The following NPAP1 variants were observed in gnomAD, a reference collection of about 807,000 sequenced individuals.
The protein encoded by NPAP1 is nuclear pore-associated protein 1.
For missense variants in NPAP1, 1,483 were observed against 1,454.5 expected, an observed-to-expected ratio of 1.02 and a Z score of -0.32; for synonymous variants, 616 against 581.4, an observed-to-expected ratio of 1.06 and a Z score of -0.86.
chr15:24,678,554 T>C lies in NPAP1; in HGVS notation c.2687T>C (p.Ile896Thr), dbSNP rs2141312880. The change falls in exon 1 of 1, where the codon ATC (isoleucine) becomes ACC (threonine). Residue 896 changes from isoleucine to threonine, a missense_variant. Ile to Thr is a moderately conservative substitution (Grantham distance 89, BLOSUM62 -1). Transcript: ENST00000329468. Reference sequence around the variant, plus strand: ...AGCCATCCTTTAAATACAGGATCCATCTCTCATTCCACACTTGGGGCCACT... The same window carrying C: ...AGCCATCCTTTAAATACAGGATCCACCTCTCATTCCACACTTGGGGCCACT... ...TSSHPLNTGS[I>T]SHSTLGATDG... 2 of 1,614,104 alleles carry C rather than the reference T, an allele frequency of 1.2e-6. No individual in the cohort carries two copies. Among genetic ancestry groups the C allele is most frequent in the Non-Finnish European group, 1.7e-6 (2 of 1,180,018 alleles).
chr15:24,679,433 A>T lies in NPAP1; in HGVS notation c.*95A>T. 2 of 965,170 alleles carry T rather than the reference A, an allele frequency of 2.1e-6. No individual in the cohort carries two copies. Among genetic ancestry groups the T allele is most frequent in the South Asian group, 3.1e-5 (2 of 63,636 alleles). The allele number at this position is 965,170 out of a possible 1,614,324, so 59.8% of individuals were successfully genotyped here. A position where few individuals can be genotyped will look rare whatever the true frequency, so the allele number is the denominator to read the frequency against. On this transcript the variant is annotated 3_prime_UTR_variant, in exon 1 of 1. Coordinates refer to ENST00000329468, the MANE Select transcript of NPAP1 (RefSeq NM_018958.3). ...TGGTCATGCTTCTAGTTTCATCTTC[A>T]TGCCAAGCACCTGCCATGTACCTCT...
rs759292609 is a variant in NPAP1, at chr15:24,677,460, T to C, written c.1593T>C (p.Thr531=). The change falls in exon 1 of 1, where the codon ACT becomes ACC. Residue 531 remains threonine, a synonymous_variant. Coordinates refer to ENST00000329468, the MANE Select transcript of NPAP1 (RefSeq NM_018958.3). ...CCCCTCCTCCTCTTTCCTTCCTGAC[T>C]CTTCTTCCAGTCCCTTCCACCGGGA... is the stretch of plus-strand genomic sequence containing the variant. The part of the protein sequence containing the change: ...VDSPPPLSFL[T]LLPVPSTGTS... The C allele has an allele frequency of 1.5e-5, 24 of 1,614,014 alleles. No individual in the cohort carries two copies. The highest frequency in any genetic ancestry group is 1.9e-5 in the Non-Finnish European group (22 of 1,180,028).
chr15:24,677,389 A>C lies in NPAP1; in HGVS notation c.1522A>C (p.Lys508Gln). 6.2e-7 allele frequency: 1 copy of C among 1,613,864 alleles called. No individual in the cohort carries two copies. The highest frequency in any genetic ancestry group is 8.5e-7 in the Non-Finnish European group (1 of 1,179,954). Reference sequence around the variant, plus strand: ...ACCTCCTAGCTCCACACCCTCCTTCAAGCCTCCCGTCACAAGGGAGTCCCC... The same window carrying C: ...ACCTCCTAGCTCCACACCCTCCTTCCAGCCTCCCGTCACAAGGGAGTCCCC... Reference protein sequence around the residue: ...PTPPSSTPSFKPPVTRESPIS... With the variant: ...PTPPSSTPSFQPPVTRESPIS... The change falls in exon 1 of 1, where the codon AAG becomes CAG. Residue 508 changes from lysine (K) to glutamine (Q), a missense_variant. Physicochemically the swap from Lys to Gln is moderately conservative, Grantham distance 53 (BLOSUM62 1). Transcript: ENST00000329468.
chr15:24,678,551 C>T lies in NPAP1; in HGVS notation c.2684C>T (p.Ser895Phe), dbSNP rs1433420706. The T allele has an allele frequency of 1.9e-6, 3 of 1,614,172 alleles. No individual in the cohort carries two copies. The highest frequency in any genetic ancestry group is 2.5e-6 in the Non-Finnish European group (3 of 1,180,036). The change falls in exon 1 of 1, where the codon TCC (serine) becomes TTC (phenylalanine). Residue 895 changes from serine to phenylalanine, a missense_variant. Physicochemically the swap from Ser to Phe is radical, Grantham distance 155. Transcript: ENST00000329468. The part of the protein sequence containing the change: ...TTSSHPLNTG[S>F]ISHSTLGATD... The stretch of plus-strand genomic sequence containing the variant: ...TCCAGCCATCCTTTAAATACAGGAT[C>T]CATCTCTCATTCCACACTTGGGGCC...
At position 24,677,668 on chromosome 15, in the gene NPAP1, C is replaced by T. The variant is rs1595615915; in HGVS notation, c.1801C>T (p.Pro601Ser). The part of the protein sequence containing the change: ...SSLSSRVSSL[P>S]NSQIHCSAEQ... ...CCTAAGCTCCAGAGTGAGCTCTCTC[C>T]CAAATTCCCAAATACATTGCAGTGC... The change falls in exon 1 of 1, where the codon CCA (proline) becomes TCA (serine). Residue 601 changes from proline to serine, a missense_variant. Transcript: ENST00000329468. The T allele has an allele frequency of 1.2e-6, 2 of 1,614,172 alleles. No homozygotes were observed. The highest frequency in any genetic ancestry group is 1.7e-6 in the Non-Finnish European group (2 of 1,180,030).
chr15:24,676,056 C>A lies in NPAP1; in HGVS notation c.189C>A (p.Ser63Arg). 1 of 1,583,902 alleles carries A rather than the reference C, an allele frequency of 6.3e-7. No homozygotes were observed. ...RNARRRPSAA[S>R]IFVAPKRPCP... is the part of the protein sequence containing the mutation. The stretch of plus-strand genomic sequence containing the variant: ...CCCGTCGCAGGCCTTCAGCAGCCAG[C>A]ATCTTCGTCGCCCCTAAGAGGCCGT... Residue 63 changes from serine (S) to arginine (R), a missense_variant, in exon 1 of 1, where the codon AGC becomes AGA. Ser to Arg is a moderately radical substitution (Grantham distance 110, BLOSUM62 -1). Transcript: ENST00000329468.
In NPAP1 at chr15:24,678,652, A is replaced by T. The variant is rs34413216; in HGVS notation, c.2785A>T (p.Thr929Ser). 1.9e-6 allele frequency: 3 copies of T among 1,614,124 alleles called. No individual in the cohort carries two copies. The highest frequency in any genetic ancestry group is 2.2e-5 in the South Asian group (2 of 91,078). The change falls in exon 1 of 1, where the codon ACA becomes TCA. Residue 929 changes from threonine to serine, a missense_variant. Transcript: ENST00000329468. The part of the protein sequence containing the change: ...PATPAPVIGL[T>S]SPSVQPLSGS... ...AACCCCAGCACCAGTTATAGGCTTAACATCTCCTTCAGTCCAGCCACTGAG... is the reference window on the plus strand; with the variant it reads ...AACCCCAGCACCAGTTATAGGCTTATCATCTCCTTCAGTCCAGCCACTGAG...
In NPAP1 at chr15:24,678,816, A is replaced by G. The variant is rs2048997006; in HGVS notation, c.2949A>G (p.Arg983=). 1.2e-6 allele frequency: 2 copies of G among 1,614,090 alleles called. No individual in the cohort carries two copies. The highest frequency in any genetic ancestry group is 2.2e-5 in the South Asian group (2 of 91,096). Residue 983 remains arginine, a synonymous_variant, in exon 1 of 1, where the codon AGA becomes AGG. Transcript: ENST00000329468. ...PNGTAKTSGF[R]IATGMPGTGD... ...GCACAGCAAAGACTTCTGGATTTAG[A>G]ATTGCCACTGGGATGCCTGGCACTG... is the stretch of plus-strand genomic sequence containing the variant.
rs909785902 is a variant in NPAP1 at position 24,677,108 on chromosome 15, C to A, written c.1241C>A (p.Thr414Asn). ...PVQTTDSLPL[T>N]TYTSQVSAPL... is the part of the protein sequence containing the mutation. ...CAGACCACAGACTCCCTGCCCCTGA[C>A]CACTTACACTTCCCAGGTCTCAGCT... is the stretch of plus-strand genomic sequence containing the variant. Residue 414 changes from threonine (T) to asparagine (N), a missense_variant, in exon 1 of 1, where the codon ACC (threonine) becomes AAC (asparagine). Coordinates refer to ENST00000329468, the MANE Select transcript of NPAP1 (RefSeq NM_018958.3). 2.5e-6 allele frequency: 4 copies of A among 1,614,172 alleles called. No homozygotes were observed. In the East Asian group the frequency reaches 8.9e-5, roughly 36 times the overall value.
Position 24,676,751 on chromosome 15 carries a change from C to A in NPAP1, c.884C>A (p.Pro295Gln), listed in dbSNP as rs552546592. ...CCCAGCTCCCTAGGCTTGCCGATTCCGCTGATGTCCGGAAAGAGGATGCCT... is the reference window on the plus strand; with the variant it reads ...CCCAGCTCCCTAGGCTTGCCGATTCAGCTGATGTCCGGAAAGAGGATGCCT... The part of the protein sequence containing the change: ...PPPSSLGLPI[P>Q]LMSGKRMPDE... The change falls in exon 1 of 1, where the codon CCG (proline) becomes CAG (glutamine). Residue 295 changes from proline (P) to glutamine (Q), a missense_variant. Physicochemically the swap from Pro to Gln is moderately conservative, Grantham distance 76. Transcript: ENST00000329468. 43 of 1,613,780 alleles carry A rather than the reference C, an allele frequency of 2.7e-5. No homozygotes were observed. The highest frequency in any genetic ancestry group is 3.6e-5 in the Non-Finnish European group (43 of 1,180,038).
rs777246328 is a variant in NPAP1 at position 24,678,999 on chromosome 15, G to A, written c.3132G>A (p.Gly1044=). ...TCAACATTGGACAAGGACAGAGTGG[G>A]ACACCCAGCACCACTTCTGTTTTCC... ...GELNIGQGQS[G]TPSTTSVFPF... The change falls in exon 1 of 1, where the codon GGG becomes GGA. Residue 1044 remains glycine, a synonymous_variant. Coordinates refer to ENST00000329468, the MANE Select transcript of NPAP1 (RefSeq NM_018958.3). 3 of 1,614,100 alleles carry A rather than the reference G, an allele frequency of 1.9e-6. No individual in the cohort carries two copies. Among genetic ancestry groups the A allele is most frequent in the Non-Finnish European group, 2.5e-6 (3 of 1,180,028 alleles).
In NPAP1 at chr15:24,679,227, A is replaced by G. The variant is rs780801674; in HGVS notation, c.3360A>G (p.Gln1120=). The G allele has an allele frequency of 5.6e-6, 9 of 1,614,016 alleles. No individual in the cohort carries two copies. The highest frequency in any genetic ancestry group is 4.0e-5 in the African/African-American group (3 of 74,932). ...GAGGCCCTTGTGTTCCTGCTTTTCA[A>G]CAGTGCATCCTGCAGCACACATGGA... ...IVGGPCVPAF[Q]QCILQHTWTE... Residue 1120 remains glutamine (Q), a synonymous_variant, in exon 1 of 1, where the codon CAA becomes CAG. Transcript: ENST00000329468.
At position 24,677,955 on chromosome 15, in the gene NPAP1, A is replaced by G. The variant is rs1006384479; in HGVS notation, c.2088A>G (p.Glu696=). The change falls in exon 1 of 1, where the codon GAA becomes GAG. Residue 696 remains glutamate, a synonymous_variant. Transcript: ENST00000329468. The part of the protein sequence containing the change: ...STASSSKPPI[E]TNAMHTTPPS... ...CATCATCATCCAAACCTCCCATTGAAACCAATGCTATGCATACCACTCCTC... is the reference window on the plus strand; with the variant it reads ...CATCATCATCCAAACCTCCCATTGAGACCAATGCTATGCATACCACTCCTC... 1 of 1,610,474 alleles carries G rather than the reference A, an allele frequency of 6.2e-7. No homozygotes were observed. The highest frequency in any genetic ancestry group is 8.5e-7 in the Non-Finnish European group (1 of 1,178,974).
rs765231238 is a variant in NPAP1 at position 24,679,084 on chromosome 15, G to A, written c.3217G>A (p.Ala1073Thr). Residue 1073 changes from alanine (A) to threonine (T), a missense_variant, in exon 1 of 1, where the codon GCT (alanine) becomes ACT (threonine). Physicochemically the swap from Ala to Thr is moderately conservative, Grantham distance 58. Transcript: ENST00000329468. ...CAGCATGGCTGCTGCACCACAAGGG[G>A]CTAGCAACATTCCTGTATTTGGATA... ...GHSMAAAPQG[A>T]SNIPVFGYTS... is the part of the protein sequence containing the mutation. The A allele has an allele frequency of 1.9e-6, 3 of 1,614,196 alleles. No individual in the cohort carries two copies. Among genetic ancestry groups the A allele is most frequent in the Non-Finnish European group, 2.5e-6 (3 of 1,180,034 alleles).
At position 24,682,312 on chromosome 15, in the gene NPAP1, C is replaced by T. The variant is rs2049022821; in HGVS notation, c.*2974C>T. On this transcript the variant is annotated 3_prime_UTR_variant, in exon 1 of 1. Transcript: ENST00000329468. ...AGTAGAGTGGAAATCCAGTTTTCTTCTAATAGCCCTATACCCTTGCAGTAT... is the reference window on the plus strand; with the variant it reads ...AGTAGAGTGGAAATCCAGTTTTCTTTTAATAGCCCTATACCCTTGCAGTAT... The T allele has an allele frequency of 6.0e-6, 1 of 167,004 alleles. No individual in the cohort carries two copies. Among genetic ancestry groups the T allele is most frequent in the South Asian group, 2.1e-4 (1 of 4,818 alleles). 10.3% of individuals were successfully genotyped at this position (167,004 alleles called of 1,614,324 possible).
rs2049012912 is a variant in NPAP1 at position 24,680,879 on chromosome 15, T to C, written c.*1541T>C. The C allele has an allele frequency of 6.0e-6, 1 of 166,912 alleles. No individual in the cohort carries two copies. Among genetic ancestry groups the C allele is most frequent in the Admixed American group, 6.6e-5 (1 of 15,264 alleles). The allele number at this position is 166,912 out of a possible 1,614,324, so 10.3% of individuals were successfully genotyped here. ...GTAAATTAGCCAGTAACGAATGCTATGAAAAATAAAGAAGTACATGGAGGA... is the reference window on the plus strand; with the variant it reads ...GTAAATTAGCCAGTAACGAATGCTACGAAAAATAAAGAAGTACATGGAGGA... On this transcript the variant is annotated 3_prime_UTR_variant, in exon 1 of 1. Coordinates refer to ENST00000329468, the MANE Select transcript of NPAP1 (RefSeq NM_018958.3).
the NPAP1 span, chr15:24,676,306 G>T: frequency 6.6e-7 from 1 of 1,523,400 alleles, no homozygotes; most frequent in Non-Finnish European, 8.8e-7. Context: ...CACTCTCCTG[G>T]AGGAGACCGA....
In NPAP1 at chr15:24,679,354, A is replaced by G. The variant is rs761546864; in HGVS notation, c.*16A>G. 19 of 1,512,688 alleles carry G rather than the reference A, an allele frequency of 1.3e-5. No homozygotes were observed. Among genetic ancestry groups the G allele is most frequent in the Non-Finnish European group, 1.6e-5 (18 of 1,092,136 alleles). 93.7% of individuals were successfully genotyped at this position (1,512,688 alleles called of 1,614,324 possible). A position where few individuals can be genotyped will look rare whatever the true frequency, so the allele number is the denominator to read the frequency against. ...ACTTCCGTAAGAGCACCTGTGGTTC[A>G]CCTGATCACACCACATCAGTTGTGG... On this transcript the variant is annotated 3_prime_UTR_variant, in exon 1 of 1. Transcript: ENST00000329468.
Position 24,678,690 on chromosome 15 carries a change from T to A in NPAP1, c.2823T>A (p.Ile941=). 1 of 1,614,130 alleles carries A rather than the reference T, an allele frequency of 6.2e-7. No homozygotes were observed. The highest frequency in any genetic ancestry group is 8.5e-7 in the Non-Finnish European group (1 of 1,180,030). The stretch of plus-strand genomic sequence containing the variant: ...TCCAGCCACTGAGTGGCAGCATAAT[T>A]CCACCAGGTTTTGCAGAGTTAACAT... The part of the protein sequence containing the change: ...PSVQPLSGSI[I]PPGFAELTSP... Residue 941 remains isoleucine (I), a synonymous_variant, in exon 1 of 1, where the codon ATT becomes ATA. Transcript: ENST00000329468.
Sources: gnomAD v4.1 joint callset for allele counts on GRCh38, gnomAD v4.1.1 for gene constraint, MANE v1.5 for transcripts, NCBI Gene and HGNC (gene_info 2026-07-23, HGNC 2026-07-21) for gene names.